KCNQ3: variants seen among roughly 807,000 people sequenced by gnomAD.
The protein encoded by KCNQ3 is potassium voltage-gated channel subfamily KQT member 3.
Under a neutral mutation model 92.5 loss-of-function variants are expected in KCNQ3, and 30 were observed. The observed-to-expected ratio is 0.32, with a 90% CI of 0.24 to 0.44. The LOEUF (loss-of-function observed/expected upper bound fraction) is 0.44, where lower values mean the gene tolerates loss of function less well. Ranked by LOEUF, KCNQ3 falls within the 20% of genes least tolerant of loss-of-function variation. The pLI, the probability that KCNQ3 is intolerant of heterozygous loss-of-function variation, is 1.00. For synonymous variants in KCNQ3, 450 were observed against 468.8 expected (o/e 0.96, Z 0.52); for missense variants, 913 against 1,140.3 (o/e 0.80, Z 2.87).
chr8:132,339,396 T>G lies in KCNQ3; in HGVS notation c.386+140751A>C, dbSNP rs570934541. Among the ~76,000 whole-genome samples the G allele has an allele frequency of 1.2e-4, 19 of 152,332 alleles. No homozygotes were observed. In the East Asian group the frequency reaches 3.1e-3, roughly 25 times the overall value. On this transcript the variant is annotated intron_variant, in intron 1 of 14. Transcript: ENST00000388996. ...ATCTAAATTATACAAGTTTGTCCTCTGCCAATTCCAAATGCCTAGGAATGC... is the reference window on the plus strand; with the variant it reads ...ATCTAAATTATACAAGTTTGTCCTCGGCCAATTCCAAATGCCTAGGAATGC...
intron 1 of KCNQ3, among the ~76,000 whole-genome samples, chr8:132,203,983 T>G (rs1176992660): frequency 1.3e-5 from 2 of 152,224 alleles, no homozygotes; most frequent in Non-Finnish European, 2.9e-5. Flanking sequence ...ACACTATATT[T>G]CATTGTCTTT....
At position 132,480,548 on chromosome 8, in the gene KCNQ3, C is replaced by T. The variant is rs1350602290; in HGVS notation, c.-16G>A. 13 of 1,255,052 alleles carry T rather than the reference C, an allele frequency of 1.0e-5. No individual in the cohort carries two copies. Among genetic ancestry groups the T allele is most frequent in the East Asian group, 6.2e-5 (1 of 16,110 alleles). The allele number at this position is 1,255,052 out of a possible 1,614,324, so 77.7% of individuals were successfully genotyped here. On this transcript the variant is annotated 5_prime_UTR_variant, in exon 1 of 15. Transcript: ENST00000388996. ...TGAGCCCCATCTGCCTCGCCCCCGC[C>T]GGCCGCTTCGCCTTCTCCGCTGCTG...
chr8:132,373,777 A>G (rs1819537536), intron 1 of KCNQ3, among the ~76,000 whole-genome samples: 1 of 152,138 alleles, frequency 6.6e-6, no homozygotes, highest in African/African-American at 2.4e-5. Context: ...CCGAACGACT[A>G]CAAGGAGACA....
intron 1 of KCNQ3, among the ~76,000 whole-genome samples, chr8:132,235,903 C>T (rs1045621107): frequency 3.3e-5 from 5 of 152,206 alleles, no homozygotes; most frequent in Non-Finnish European, 7.3e-5. Context: ...CTTGCTAGCA[C>T]TTAACCCTGT....
chr8:132,145,639 T>G (rs1353150420), intron 9 of KCNQ3, among the ~76,000 whole-genome samples: 1 of 152,234 alleles, frequency 6.6e-6, no homozygotes, highest in African/African-American at 2.4e-5. Context: ...TCGAGAAGAC[T>G]TCTGTCTCTA....
At chr8:132,340,427 A>T (rs1397577786) in intron 1 of KCNQ3, among the ~76,000 whole-genome samples, 1 of 152,262 alleles carries the variant, frequency 6.6e-6, no homozygotes, top group Non-Finnish European at 1.5e-5. Context: ...AATACTATGC[A>T]GCCAGAAAAA....
chr8:132,334,709 A>T (rs966129462), intron 1 of KCNQ3, among the ~76,000 whole-genome samples: 5 of 152,162 alleles, frequency 3.3e-5, no homozygotes, highest in Admixed American at 2.6e-4. Flanking sequence ...GGCAGGTGAA[A>T]CCCAAAACTC....
At chr8:132,395,465 T>C (rs2130776756) in intron 1 of KCNQ3, among the ~76,000 whole-genome samples, 1 of 152,262 alleles carries the variant, frequency 6.6e-6, no homozygotes, top group African/African-American at 2.4e-5. Context: ...TTTGACATAA[T>C]GCAGTTCAAG....
At chr8:132,292,356 G>A (rs1816884777) in intron 1 of KCNQ3, among the ~76,000 whole-genome samples, 1 of 152,132 alleles carries the variant, frequency 6.6e-6, no homozygotes, top group Non-Finnish European at 1.5e-5. Context: ...AGGAGTATGA[G>A]GTAAACATTA....
chr8:132,171,155 G>T (rs1390369232), intron 7 of KCNQ3, among the ~76,000 whole-genome samples: 2 of 152,192 alleles, frequency 1.3e-5, no homozygotes, highest in African/African-American at 4.8e-5. Flanking sequence ...GCAAGAGAAA[G>T]CCTACCAGAT....
At chr8:132,396,230 G>C (rs1054002518) in intron 1 of KCNQ3, among the ~76,000 whole-genome samples, 2 of 152,140 alleles carry the variant, frequency 1.3e-5, no homozygotes, top group Non-Finnish European at 2.9e-5. Context: ...GAACAGAGCA[G>C]ATAACAAACA....
At chr8:132,330,068 G>A (rs1818185762) in intron 1 of KCNQ3, among the ~76,000 whole-genome samples, 1 of 152,168 alleles carries the variant, frequency 6.6e-6, no homozygotes, top group Non-Finnish European at 1.5e-5. Context: ...TTATCTAGGT[G>A]AGCCCTAAAT....
chr8:132,418,206 C>T (rs188955294), intron 1 of KCNQ3, among the ~76,000 whole-genome samples: 3 of 152,288 alleles, frequency 2.0e-5, no homozygotes, highest in Non-Finnish European at 4.4e-5. Context: ...TACTTTGAAG[C>T]CTGAGGACAA....
At chr8:132,159,675 A>C (rs1265316473) in intron 9 of KCNQ3, among the ~76,000 whole-genome samples, 1 of 152,184 alleles carries the variant, frequency 6.6e-6, no homozygotes, top group Non-Finnish European at 1.5e-5. Flanking sequence ...AGAGAAACAG[A>C]GATAAGAGAT....
chr8:132,210,610 A>G (rs1230360988), intron 1 of KCNQ3, among the ~76,000 whole-genome samples: 1 of 152,188 alleles, frequency 6.6e-6, no homozygotes, highest in Admixed American at 6.5e-5. Flanking sequence ...AAGGCCACAA[A>G]GTGTTGGCCA....
chr8:132,192,585 T>C (rs1827193289), intron 1 of KCNQ3, among the ~76,000 whole-genome samples: 1 of 152,182 alleles, frequency 6.6e-6, no homozygotes, highest in African/African-American at 2.4e-5. Context: ...GTTCTTCCTT[T>C]TCGTCTGTCC....
At chr8:132,431,181 C>A (rs1161454187) in intron 1 of KCNQ3, among the ~76,000 whole-genome samples, 1 of 152,124 alleles carries the variant, frequency 6.6e-6, no homozygotes, top group Non-Finnish European at 1.5e-5. Flanking sequence ...CGCATCAGGA[C>A]CCATGTTCCC....
chr8:132,238,568 C>G (rs746180808), intron 1 of KCNQ3, among the ~76,000 whole-genome samples: 3 of 152,178 alleles, frequency 2.0e-5, no homozygotes, highest in Admixed American at 1.3e-4. Context: ...TATGCAAACA[C>G]TATCTCTCTC....
chr8:132,182,389 T>A (rs1159231675), intron 3 of KCNQ3, among the ~76,000 whole-genome samples: 1 of 152,158 alleles, frequency 6.6e-6, no homozygotes, highest in Non-Finnish European at 1.5e-5. Flanking sequence ...GTGATAACCA[T>A]CCTCTTTCCC....
Sources: gnomAD v4.1 joint callset for allele counts (sites outside exome capture counted in the v4.1 genomes callset) on GRCh38, gnomAD v4.1.1 for gene constraint, MANE v1.5 for transcripts, NCBI Gene and HGNC (gene_info 2026-07-23, HGNC 2026-07-21) for gene names.